The following TENT4B variants were observed in gnomAD, a reference collection of about 807,000 sequenced individuals.
TENT4B encodes PAP associated domain containing 5.
A neutral mutation model predicts 75.0 loss-of-function variants in TENT4B; 10 were observed. The observed-to-expected ratio is 0.13, with a 90% CI of 0.08 to 0.23. The LOEUF (loss-of-function observed/expected upper bound fraction) is 0.23, where lower values mean the gene tolerates loss of function less well. Among genes scored for constraint, TENT4B ranks in the 10% least tolerant of loss-of-function variants. TENT4B has a pLI of 1.00. For synonymous variants in TENT4B, 350 were observed against 357.7 expected, an observed-to-expected ratio of 0.98 and a Z score of 0.24; for missense variants, 579 against 893.8, an observed-to-expected ratio of 0.65 and a Z score of 4.49.
chr16:50,189,733 C>T (rs2038602520), intron 1 of TENT4B, among the ~76,000 whole-genome samples: 1 of 141,790 alleles, frequency 7.1e-6, no homozygotes, highest in South Asian at 2.2e-4. Flanking sequence ...CAAAAAATAA[C>T]CAGATAATTA....
chr16:50,205,492 C>T (rs2030900445), intron 1 of TENT4B, among the ~76,000 whole-genome samples: 1 of 149,258 alleles, frequency 6.7e-6, no homozygotes, highest in Non-Finnish European at 1.5e-5. Flanking sequence ...GTTCTCCTTC[C>T]AGAAAACTTG....
At chr16:50,204,932 C>T (rs1458528730) in intron 1 of TENT4B, among the ~76,000 whole-genome samples, 2 of 152,192 alleles carry the variant, frequency 1.3e-5, no homozygotes, top group East Asian at 3.8e-4. Flanking sequence ...GTGTCCCCAG[C>T]TGTCAGTATT....
Position 50,235,074 on chromosome 16 carries a change from A to G in TENT4B, c.*5746A>G. ...ATATTTGATACAAGTGATTTAAGAAATCTCAACATTTCCTGAGGCCGTATC... is the reference window on the plus strand; with the variant it reads ...ATATTTGATACAAGTGATTTAAGAAGTCTCAACATTTCCTGAGGCCGTATC... On this transcript the variant is annotated 3_prime_UTR_variant, in exon 12 of 12. Coordinates refer to ENST00000561678, the MANE Select transcript of TENT4B (RefSeq NM_001365324.3). The G allele has an allele frequency of 1.0e-6, 1 of 980,400 alleles. No individual in the cohort carries two copies. Among genetic ancestry groups the G allele is most frequent in the Non-Finnish European group, 1.2e-6 (1 of 824,982 alleles). 60.7% of individuals were successfully genotyped at this position (980,400 alleles called of 1,614,324 possible).
chr16:50,203,666 A>G (rs1256252231), intron 1 of TENT4B, among the ~76,000 whole-genome samples: 5 of 152,134 alleles, frequency 3.3e-5, no homozygotes, highest in Non-Finnish European at 4.4e-5. Flanking sequence ...GTTCTCAGCC[A>G]CACTGTGTGA....
At chr16:50,202,889 G>GA (rs1171499562) in intron 1 of TENT4B, among the ~76,000 whole-genome samples, 1 of 152,132 alleles carries the variant, frequency 6.6e-6, no homozygotes, top group Admixed American at 6.6e-5. Flanking sequence ...GAAATCAACT[G>GA]AAAAACCATC....
intron 5 of TENT4B, among the ~76,000 whole-genome samples, chr16:50,219,088 T>C (rs773365161): frequency 1.3e-5 from 2 of 152,140 alleles, no homozygotes; most frequent in Admixed American, 6.5e-5. Flanking sequence ...TCGCACTATA[T>C]TGGGGGTGTG....
chr16:50,229,638 CT>C lies in TENT4B; in HGVS notation c.*313del. ...GTAAAATAAATATATTTCTCATTGGCTTTATGCAGAGTTATAGGGAATAGTA... is the reference window on the plus strand; with the variant it reads ...GTAAAATAAATATATTTCTCATTGGCTTATGCAGAGTTATAGGGAATAGTA... On this transcript the variant is annotated 3_prime_UTR_variant, in exon 12 of 12. Coordinates refer to ENST00000561678, the MANE Select transcript of TENT4B (RefSeq NM_001365324.3). 2.8e-6 allele frequency: 3 copies of C among 1,061,486 alleles called. 1 individual carries two copies. The South Asian group carries it at 1.2e-4, about 43-fold the overall frequency. 65.8% of individuals were successfully genotyped at this position (1,061,486 alleles called of 1,614,324 possible). A position where few individuals can be genotyped will look rare whatever the true frequency, so the allele number is the denominator to read the frequency against.
chr16:50,157,161 C>T (rs1343539208), intron 1 of TENT4B, among the ~76,000 whole-genome samples: 1 of 152,184 alleles, frequency 6.6e-6, no homozygotes, highest in African/African-American at 2.4e-5. Flanking sequence ...GGCCTCTGAA[C>T]TGATAGTCCA....
At chr16:50,182,234 G>A (rs1355049274) in intron 1 of TENT4B, among the ~76,000 whole-genome samples, 1 of 151,954 alleles carries the variant, frequency 6.6e-6, no homozygotes, top group African/African-American at 2.4e-5. Context: ...ACTACAGCCC[G>A]GGCAACAGAG....
At chr16:50,190,960 A>G (rs1362740829) in intron 1 of TENT4B, among the ~76,000 whole-genome samples, 1 of 152,068 alleles carries the variant, frequency 6.6e-6, no homozygotes, top group Non-Finnish European at 1.5e-5. Flanking sequence ...AGTGAAATCA[A>G]CCAGTATTTA....
chr16:50,161,595 T>C (rs1030540894), intron 1 of TENT4B, among the ~76,000 whole-genome samples: 5 of 152,228 alleles, frequency 3.3e-5, no homozygotes, highest in African/African-American at 4.8e-5. Flanking sequence ...GCTAAACCTT[T>C]TCCATTTGTT....
In TENT4B at chr16:50,233,692, T is replaced by A. The variant is rs1596769393; in HGVS notation, c.*4364T>A. 6 of 984,448 alleles carry A rather than the reference T, an allele frequency of 6.1e-6. No homozygotes were observed. The highest frequency in any genetic ancestry group is 1.8e-5 in the African/African-American group (1 of 57,102). The allele number at this position is 984,448 out of a possible 1,614,324, so 61.0% of individuals were successfully genotyped here. On this transcript the variant is annotated 3_prime_UTR_variant, in exon 12 of 12. Coordinates refer to ENST00000561678, the MANE Select transcript of TENT4B (RefSeq NM_001365324.3). ...CTGTCTCTCAGGTTTTTGGTTTTTTTAAAAAAAATGTGTTTGGCCTTTACA... is the reference window on the plus strand; with the variant it reads ...CTGTCTCTCAGGTTTTTGGTTTTTTAAAAAAAAATGTGTTTGGCCTTTACA...
intron 1 of TENT4B, among the ~76,000 whole-genome samples, chr16:50,188,457 C>T (rs1238955334): frequency 2.0e-5 from 3 of 152,180 alleles, no homozygotes; most frequent in East Asian, 1.9e-4. Context: ...CAACAGCACA[C>T]GTGGGCTGTG....
intron 1 of TENT4B, among the ~76,000 whole-genome samples, chr16:50,175,546 G>A (rs924464646): frequency 7.2e-5 from 11 of 151,844 alleles, no homozygotes; most frequent in African/African-American, 2.2e-4. Flanking sequence ...GTGCAGTGGC[G>A]CGATCTCGGC....
At chr16:50,167,143 G>A (rs1359916720) in intron 1 of TENT4B, among the ~76,000 whole-genome samples, 1 of 152,048 alleles carries the variant, frequency 6.6e-6, no homozygotes, top group Non-Finnish European at 1.5e-5. Context: ...ACTTCCCTGG[G>A]CCACATTAGA....
intron 1 of TENT4B, among the ~76,000 whole-genome samples, chr16:50,175,558 C>T (rs1475408133): frequency 6.6e-6 from 1 of 152,048 alleles, no homozygotes; most frequent in African/African-American, 2.4e-5. Flanking sequence ...GATCTCGGCT[C>T]ACTGCAACCT....
At chr16:50,153,180 C>CGGGGGGGGGGGGGGG (rs2037796373), upstream of TENT4B, 1 of 1,242 alleles carries the variant, frequency 8.1e-4, no homozygotes, top group Admixed American at 9.6e-3. Context: ...GAGGGCGGGG[C>CGGGGGGGGGGGGGGG]GGTGGGGGGG....
At chr16:50,184,558 G>A (rs1398863495) in intron 1 of TENT4B, among the ~76,000 whole-genome samples, 4 of 152,074 alleles carry the variant, frequency 2.6e-5, no homozygotes, top group African/African-American at 4.8e-5. Context: ...TCCCAGCTAC[G>A]CAGGAGGCTG....
Position 50,180,194 on chromosome 16 carries a change from C to T in TENT4B, c.638+25935C>T, listed in dbSNP as rs150637133. Among the ~76,000 whole-genome samples, 768 of 151,890 alleles carry T rather than the reference C, an allele frequency of 5.1e-3. 9 individuals carry two copies. Among genetic ancestry groups the T allele is most frequent in the African/African-American group, 0.017 (707 of 41,422 alleles). ...TCTCAGCTTACTGCAACCTCTGCCT[C>T]CCAGTTTCAAGTGATTCTTCTGCCT... On this transcript the variant is annotated intron_variant, in intron 1 of 11. Coordinates refer to ENST00000561678, the MANE Select transcript of TENT4B (RefSeq NM_001365324.3).
Sources: allele counts gnomAD v4.1 joint callset (sites outside exome capture counted in the v4.1 genomes callset), GRCh38; gene constraint gnomAD v4.1.1; transcripts MANE v1.5; gene names NCBI Gene and HGNC (gene_info 2026-07-23, HGNC 2026-07-21).